The following TTC7B variants were observed in gnomAD, a reference collection of about 807,000 sequenced individuals.
The protein encoded by TTC7B is tetratricopeptide repeat domain 7B, also known as tetratricopeptide repeat protein 7B.
TTC7B carries 28 observed loss-of-function variants against 106.8 expected under a neutral mutation model. The ratio of observed to expected loss-of-function variants is 0.26; its 90% CI spans 0.19 to 0.36. The LOEUF is 0.36. TTC7B is among the 10% of genes least tolerant of loss of function. The probability of loss-of-function intolerance (pLI) is 1.00; values close to 1 mark genes in which losing one functional copy is unlikely to be tolerated. For missense variants in TTC7B, 862 were observed against 1,076.4 expected (o/e 0.80, Z 2.79); for synonymous variants, 405 against 430.6 (o/e 0.94, Z 0.74).
At chr14:90,813,723 T>C (rs991106692) in intron 1 of TTC7B, among the ~76,000 whole-genome samples, 15 of 151,708 alleles carry the variant, frequency 9.9e-5, no homozygotes, top group African/African-American at 3.6e-4. Context: ...TGTCTTAGTG[T>C]GACAAACGTG....
chr14:90,617,866 A>G, intron 16 of TTC7B, 63 bp downstream of exon 16: 2 of 1,261,942 alleles, frequency 1.6e-6, no homozygotes, highest in Non-Finnish European at 2.3e-6. Flanking sequence ...CCAATCAGAG[A>G]AGGCACTGAT....
At chr14:90,782,148 G>A (rs1891239961) in intron 2 of TTC7B, among the ~76,000 whole-genome samples, 3 of 152,198 alleles carry the variant, frequency 2.0e-5, no homozygotes, top group Non-Finnish European at 4.4e-5. Flanking sequence ...TTTCTTGGAA[G>A]AGGGAGGGAC....
At chr14:90,559,168 T>G (rs188138193) in intron 19 of TTC7B, among the ~76,000 whole-genome samples, 7 of 152,282 alleles carry the variant, frequency 4.6e-5, no homozygotes, top group Admixed American at 4.6e-4. Flanking sequence ...GCTTGGAGGA[T>G]CCACCCGGCC....
intron 5 of TTC7B, among the ~76,000 whole-genome samples, chr14:90,716,255 C>T (rs1051641562): frequency 1.3e-5 from 2 of 152,130 alleles, no homozygotes; most frequent in African/African-American, 2.4e-5. Context: ...TTGCTGAAGA[C>T]GGGCCAGGGT....
chr14:90,769,556 A>C (rs1890794779), intron 3 of TTC7B, among the ~76,000 whole-genome samples: 1 of 152,228 alleles, frequency 6.6e-6, no homozygotes, highest in Admixed American at 6.5e-5. Flanking sequence ...GCTTAAGCCC[A>C]GGAATTCAAG....
intron 15 of TTC7B, among the ~76,000 whole-genome samples, chr14:90,633,926 G>A (rs928441468): frequency 6.6e-6 from 1 of 151,832 alleles, no homozygotes; most frequent in African/African-American, 2.4e-5. Context: ...CCAGGCTGGA[G>A]TGCAGTGGCG....
intron 1 of TTC7B, among the ~76,000 whole-genome samples, chr14:90,803,213 C>CAGG (rs1441314910): frequency 1.9e-4 from 29 of 152,056 alleles, no homozygotes; most frequent in African/African-American, 7.0e-4. Context: ...CTAAACCCTC[C>CAGG]AGTGGTTCCA....
In TTC7B at chr14:90,808,347, T is replaced by C. The variant is rs2030719117; in HGVS notation, c.121+7828A>G. Among the ~76,000 whole-genome samples, 1 of 152,200 alleles carries C rather than the reference T, an allele frequency of 6.6e-6. No individual in the cohort carries two copies. The highest frequency in any genetic ancestry group is 2.4e-5 in the African/African-American group (1 of 41,448). ...CCCAAGAAATGCAGTTCATTCTTCT[T>C]CCCTGCTAGCACTATTTTAACACTC... On this transcript the variant is annotated intron_variant, in intron 1 of 19. Transcript: ENST00000328459. This position sits in a 1 kb window ranked among gnomAD's most constrained non-coding sequence, Gnocchi z 4.2.
intron 19 of TTC7B, among the ~76,000 whole-genome samples, chr14:90,546,979 G>A (rs556235599): frequency 2.6e-5 from 4 of 152,222 alleles, no homozygotes; most frequent in African/African-American, 9.6e-5. Context: ...GCTGTGCTGC[G>A]TGTGCCCTTG....
intron 1 of TTC7B, among the ~76,000 whole-genome samples, chr14:90,796,005 C>T (rs1193009750): frequency 1.3e-5 from 2 of 152,110 alleles, no homozygotes; most frequent in African/African-American, 4.8e-5. Context: ...ATCCCTAAGG[C>T]CACAGAGCTG....
chr14:90,676,280 C>T (rs1886834364), intron 9 of TTC7B: 2 of 383,468 alleles, frequency 5.2e-6, no homozygotes, highest in East Asian at 4.1e-5. Context: ...CCCTCACACA[C>T]AAACTCACAG....
chr14:90,587,794 A>G (rs1021941122), intron 18 of TTC7B, among the ~76,000 whole-genome samples: 4 of 152,130 alleles, frequency 2.6e-5, no homozygotes, highest in African/African-American at 9.7e-5. Context: ...CTGAGTGCCT[A>G]CTGTGGGTTG....
chr14:90,559,578 G>A (rs1018869402), intron 19 of TTC7B, among the ~76,000 whole-genome samples: 32 of 152,302 alleles, frequency 2.1e-4, no homozygotes. Context: ...GATCTGTTAC[G>A]AGGCCCTAAA....
At chr14:90,729,994 T>TAACTA (rs1889264142) in intron 5 of TTC7B, 81 bp downstream of exon 5, 1 of 1,382,886 alleles carries the variant, frequency 7.2e-7, no homozygotes. Flanking sequence ...TTTATTATAA[T>TAACTA]AACTAAACTG....
intron 2 of TTC7B, 37 bp from the exon 3 acceptor site, chr14:90,780,943 A>G (rs777866733): frequency 1.3e-6 from 2 of 1,599,458 alleles, no homozygotes; most frequent in Non-Finnish European, 1.7e-6. Flanking sequence ...GCATTTTCCT[A>G]CAATATCAGG....
intron 19 of TTC7B, among the ~76,000 whole-genome samples, chr14:90,561,747 C>T (rs943865804): frequency 6.6e-5 from 10 of 152,200 alleles, no homozygotes; most frequent in African/African-American, 1.9e-4. Flanking sequence ...TTCCTGTGCA[C>T]GGTGGCTTGG....
At chr14:90,635,214 T>C (rs1286434) in intron 15 of TTC7B, among the ~76,000 whole-genome samples, 3,808 of 142,178 alleles carry the variant, frequency 0.027, 137 homozygotes, top group African/African-American at 0.087. Context: ...CTAAAATTTC[T>C]TGGGTAATCA....
chr14:90,561,911 C>T (rs1165005222), intron 19 of TTC7B, among the ~76,000 whole-genome samples: 5 of 152,226 alleles, frequency 3.3e-5, no homozygotes, highest in African/African-American at 9.6e-5. Context: ...ACTGAAAAAA[C>T]GTATGAACAT....
intron 15 of TTC7B, among the ~76,000 whole-genome samples, chr14:90,623,830 G>C (rs1884317948): frequency 6.6e-6 from 1 of 152,224 alleles, no homozygotes; most frequent in Non-Finnish European, 1.5e-5. Flanking sequence ...AGACCATCCT[G>C]ACCAACATGG....
Sources: allele counts gnomAD v4.1 joint callset (sites outside exome capture counted in the v4.1 genomes callset), GRCh38; gene constraint gnomAD v4.1.1; non-coding constraint Gnocchi (gnomAD v3.1); transcripts MANE v1.5; gene names NCBI Gene and HGNC (gene_info 2026-07-23, HGNC 2026-07-21).